Variants in TMEM181 observed in about 807,000 individuals in gnomAD.
The protein encoded by TMEM181 is G protein-coupled receptor 178.
In TMEM181, 39 loss-of-function variants were observed where a neutral mutation model predicts 71.9. The ratio of observed to expected loss-of-function variants is 0.54; its 90% confidence interval spans 0.42 to 0.71. The LOEUF (loss-of-function observed/expected upper bound fraction) is 0.71. Among genes scored for constraint, TMEM181 ranks in the 30% least tolerant of loss-of-function variants. The probability of loss-of-function intolerance (pLI) is 0.00; values close to 1 mark genes in which losing one functional copy is unlikely to be tolerated. For missense variants in TMEM181, 595 were observed against 583.0 expected, an observed-to-expected ratio of 1.02 and a Z score of -0.21; for synonymous variants, 245 against 228.8, an observed-to-expected ratio of 1.07 and a Z score of -0.64.
chr6:158,584,972 A>G (rs112731134), intron 4 of TMEM181, among the ~76,000 whole-genome samples: 2 of 152,322 alleles, frequency 1.3e-5, no homozygotes, highest in Non-Finnish European at 1.5e-5. Context: ...TATTTTTGGT[A>G]TAGAATTTGG....
At chr6:158,541,289 C>T (rs1015300306) in intron 1 of TMEM181, among the ~76,000 whole-genome samples, 3 of 151,798 alleles carry the variant, frequency 2.0e-5, no homozygotes, top group South Asian at 2.1e-4. Flanking sequence ...TGATGGCGGG[C>T]GCCTGTAATC....
At chr6:158,625,859 C>T (rs1485398094) in intron 13 of TMEM181, 105 bp downstream of exon 13, 1 of 1,022,424 alleles carries the variant, frequency 9.8e-7, no homozygotes, top group African/African-American at 1.6e-5. Context: ...GTACTTCTAG[C>T]CCAGTAGACT....
chr6:158,576,247 A>G (rs944128928), intron 2 of TMEM181, among the ~76,000 whole-genome samples: 1 of 152,228 alleles, frequency 6.6e-6, no homozygotes, highest in African/African-American at 2.4e-5. Context: ...CTGCAGGCCT[A>G]TAGCAGGCGG....
At chr6:158,606,871 C>T (rs1279984488) in intron 7 of TMEM181, among the ~76,000 whole-genome samples, 1 of 152,198 alleles carries the variant, frequency 6.6e-6, no homozygotes, top group African/African-American at 2.4e-5. Context: ...TGGGTGGGTT[C>T]GTCTGAGTGC....
chr6:158,604,733 G>A (rs1483843047), intron 6 of TMEM181, among the ~76,000 whole-genome samples: 2 of 152,154 alleles, frequency 1.3e-5, no homozygotes, highest in Admixed American at 1.3e-4. Flanking sequence ...TCTTTTGATG[G>A]AAAGTATGAC....
intron 6 of TMEM181, among the ~76,000 whole-genome samples, chr6:158,596,743 A>G (rs1784407240): frequency 6.6e-6 from 1 of 152,172 alleles, no homozygotes; most frequent in Non-Finnish European, 1.5e-5. Context: ...CGAGAGGCGA[A>G]AGGCTCTTCT....
At chr6:158,544,182 A>AGTGTGTGTGTGTGTGTGTGT (rs34605570) in intron 1 of TMEM181, among the ~76,000 whole-genome samples, 4 of 127,640 alleles carry the variant, frequency 3.1e-5, no homozygotes, top group African/African-American at 1.2e-4. Context: ...AATTGGAGAG[A>AGTGTGTGTGTGTGTGTGTGT]GTGTGTGTGT....
intron 2 of TMEM181, among the ~76,000 whole-genome samples, chr6:158,573,858 T>C (rs556807973): frequency 1.3e-5 from 2 of 151,638 alleles, no homozygotes; most frequent in South Asian, 4.2e-4. Context: ...CAGAACATGC[T>C]GCCTGGTTGG....
In TMEM181 at chr6:158,601,628, G is replaced by A. The variant is rs188209061; in HGVS notation, c.493-3639G>A. Among the ~76,000 whole-genome samples, 11 of 151,920 alleles carry A rather than the reference G, an allele frequency of 7.2e-5. No homozygotes were observed. The East Asian group carries it at 1.5e-3, about 21-fold the overall frequency. On this transcript the variant is annotated intron_variant, in intron 6 of 16. Transcript: ENST00000684151. ...ACAAAAATTAGCTGAGAGTGGTGGC[G>A]TGCACCTGTAGTCCCAGCTGCTTGG... is the stretch of plus-strand genomic sequence containing the variant.
At chr6:158,541,752 A>C (rs564335797) in intron 1 of TMEM181, among the ~76,000 whole-genome samples, 2 of 152,328 alleles carry the variant, frequency 1.3e-5, no homozygotes, top group African/African-American at 4.8e-5. Context: ...ATTTTGATGT[A>C]AGCATATCAG....
chr6:158,578,203 T>C (rs141508846), intron 2 of TMEM181, among the ~76,000 whole-genome samples: 65 of 152,344 alleles, frequency 4.3e-4, no homozygotes, highest in Non-Finnish European at 8.5e-4. Flanking sequence ...GAGGAAGTTA[T>C]TACTATTAGA....
chr6:158,611,982 C>CA lies in TMEM181; in HGVS notation c.896+3232_896+3233insA, dbSNP rs1554228516. ...TCCCTGCAGCTGCAGGGATACCCCC[C>CA]CCACCTCCTAGTCTGCTTTTAGCTT... On this transcript the variant is annotated intron_variant, in intron 10 of 16. Coordinates refer to ENST00000684151, the MANE Select transcript of TMEM181 (RefSeq NM_001376852.1). Among the ~76,000 whole-genome samples, 14 of 145,680 alleles carry CA rather than the reference C, an allele frequency of 9.6e-5. No homozygotes were observed. In the East Asian group the frequency reaches 1.7e-3, roughly 18 times the overall value.
At chr6:158,602,704 G>A (rs1400692967) in intron 6 of TMEM181, among the ~76,000 whole-genome samples, 1 of 151,900 alleles carries the variant, frequency 6.6e-6, no homozygotes, top group Non-Finnish European at 1.5e-5. Flanking sequence ...GGCCTCCTGA[G>A]TAGCTGTGAA....
chr6:158,614,631 C>T (rs1240313865), intron 10 of TMEM181, among the ~76,000 whole-genome samples: 1 of 152,132 alleles, frequency 6.6e-6, no homozygotes, highest in East Asian at 1.9e-4. Context: ...TGCTGTCCCT[C>T]CAACCTCCCC....
intron 4 of TMEM181, 22 bp downstream of exon 4, chr6:158,584,066 A>C (rs912922403): frequency 4.5e-6 from 7 of 1,571,242 alleles, no homozygotes; most frequent in East Asian, 2.3e-5. Flanking sequence ...GACATTTTGG[A>C]ATGATTTTTC....
chr6:158,562,793 G>C (rs1456841114), intron 1 of TMEM181, among the ~76,000 whole-genome samples: 1 of 152,148 alleles, frequency 6.6e-6, no homozygotes, highest in Non-Finnish European at 1.5e-5. Flanking sequence ...AAAGATAACT[G>C]TGAGTGTTCA....
intron 1 of TMEM181, among the ~76,000 whole-genome samples, chr6:158,540,033 C>T (rs183502237): frequency 1.1e-4 from 16 of 152,306 alleles, no homozygotes; most frequent in African/African-American, 3.6e-4. Flanking sequence ...GTTGCTGATT[C>T]GGCAGCTTAA....
exon 1 of TMEM181, chr6:158,536,657 T>C: frequency 6.7e-7 from 1 of 1,499,994 alleles, no homozygotes; most frequent in Non-Finnish European, 8.9e-7. Flanking sequence ...CGATCCCCAG[T>C]GCTGGGAGAA....
At chr6:158,550,984 C>A (rs1781706054) in intron 1 of TMEM181, among the ~76,000 whole-genome samples, 3 of 124,180 alleles carry the variant, frequency 2.4e-5, no homozygotes, top group African/African-American at 3.1e-5. Flanking sequence ...TTTTTTTAGA[C>A]AGAGTTTCTC....
Sources: gnomAD v4.1 joint callset for allele counts (sites outside exome capture counted in the v4.1 genomes callset) on GRCh38, gnomAD v4.1.1 for gene constraint, MANE v1.5 for transcripts, NCBI Gene and HGNC (gene_info 2026-07-23, HGNC 2026-07-21) for gene names.